Variants in REV3L observed in about 807,000 individuals in gnomAD.
REV3L encodes the protein DNA polymerase zeta catalytic subunit.
Under a neutral mutation model 299.4 loss-of-function variants are expected in REV3L, and 69 were observed. The ratio of observed to expected loss-of-function variants is 0.23; its 90% CI spans 0.19 to 0.28. The LOEUF (loss-of-function observed/expected upper bound fraction) is 0.28. Ranked by LOEUF, REV3L falls within the 10% of genes least tolerant of loss-of-function variation. The probability of loss-of-function intolerance (pLI) is 1.00; values close to 1 mark genes in which losing one functional copy is unlikely to be tolerated. For synonymous variants in REV3L, 1,238 were observed against 1,271.4 expected (o/e 0.97, Z 0.56); for missense variants, 3,128 against 3,693.8 (o/e 0.85, Z 3.97).
At chr6:111,329,394 C>T (rs1335243880) in intron 25 of REV3L, 138 bp downstream of exon 25, 2 of 704,506 alleles carry the variant, frequency 2.8e-6, no homozygotes, top group Non-Finnish European at 4.9e-6. Context: ...CTATGTTGTC[C>T]AGGCAGGATT....
intron 21 of REV3L, among the ~76,000 whole-genome samples, chr6:111,341,787 T>A (rs986902972): frequency 1.3e-5 from 2 of 152,082 alleles, no homozygotes; most frequent in Non-Finnish European, 1.5e-5. Flanking sequence ...CTGGATTCCT[T>A]ATGAGTGATA....
At chr6:111,386,323 CAA>C (rs1252597083) in intron 9 of REV3L, among the ~76,000 whole-genome samples, 1 of 152,018 alleles carries the variant, frequency 6.6e-6, no homozygotes, top group African/African-American at 2.4e-5. Flanking sequence ...GGATAAATTT[CAA>C]AGTTATAATG....
intron 2 of REV3L, among the ~76,000 whole-genome samples, chr6:111,415,986 G>A (rs1342292026): frequency 6.6e-6 from 1 of 152,156 alleles, no homozygotes; most frequent in Non-Finnish European, 1.5e-5. Flanking sequence ...CTAGAACAGT[G>A]CTTAGCACAT....
intron 1 of REV3L, among the ~76,000 whole-genome samples, chr6:111,425,324 T>C (rs1331915226): frequency 6.6e-6 from 1 of 152,006 alleles, no homozygotes; most frequent in Non-Finnish European, 1.5e-5. Flanking sequence ...CCGGGTGTGG[T>C]GGCGGGCACC....
rs762888621 is a variant in REV3L, at chr6:111,315,385, A to AATTTAATCCCCTT, written c.8352-5_8352-4insAAGGGGATTAAAT. 1 of 1,608,886 alleles carries AATTTAATCCCCTT rather than the reference A, an allele frequency of 6.2e-7. No homozygotes were observed. Among genetic ancestry groups the AATTTAATCCCCTT allele is most frequent in the Non-Finnish European group, 8.5e-7 (1 of 1,176,580 alleles). On this transcript the variant is annotated splice_region_variant and splice_polypyrimidine_tract_variant and intron_variant, in intron 26 of 31. Coordinates refer to ENST00000368802, the MANE Select transcript of REV3L (RefSeq NM_001372078.1). ...TCCTTTCAGTAGCACAAACATACTA[A>AATTTAATCCCCTT]GGGGATTAAAAATAAAGTAAGGTAA... is the stretch of plus-strand genomic sequence containing the variant.
intron 1 of REV3L, among the ~76,000 whole-genome samples, chr6:111,475,818 T>C (rs1159268693): frequency 3.3e-5 from 5 of 152,214 alleles, no homozygotes; most frequent in African/African-American, 4.8e-5. Flanking sequence ...ATTAAAGGAC[T>C]TCACCAATCC....
rs573809507 is a variant in REV3L at position 111,306,183 on chromosome 6, C to G, written c.9252+1178G>C. ...AAAGCAGAGGAGATTATGGCAGGAG[C>G]CTACTGCAAGGAAGGCTTCACCCAG... is the stretch of plus-strand genomic sequence containing the variant. On this transcript the variant is annotated intron_variant, in intron 31 of 31. Transcript: ENST00000368802. Among the ~76,000 whole-genome samples, 7 of 152,136 alleles carry G rather than the reference C, an allele frequency of 4.6e-5. No individual in the cohort carries two copies. In the South Asian group the frequency reaches 8.3e-4, roughly 18 times the overall value.
intron 1 of REV3L, among the ~76,000 whole-genome samples, chr6:111,480,843 T>G (rs1294908581): frequency 8.0e-5 from 12 of 150,230 alleles, no homozygotes; most frequent in South Asian, 2.1e-4. Flanking sequence ...TTTTTGTTTT[T>G]TTTTTTTTTT....
intron 23 of REV3L, 81 bp downstream of exon 23, chr6:111,333,042 A>G (rs1369517527): frequency 3.3e-6 from 5 of 1,531,110 alleles, no homozygotes; most frequent in Non-Finnish European, 4.4e-6. Context: ...GTCCAGAGCA[A>G]AGAGACACTC....
At chr6:111,454,643 T>C (rs930068660) in intron 1 of REV3L, among the ~76,000 whole-genome samples, 1 of 152,092 alleles carries the variant, frequency 6.6e-6, no homozygotes, top group Non-Finnish European at 1.5e-5. Context: ...AGTGGAATCA[T>C]GTATTTGTCC....
intron 30 of REV3L, among the ~76,000 whole-genome samples, chr6:111,308,838 T>C (rs1243122276): frequency 6.6e-6 from 1 of 152,264 alleles, no homozygotes; most frequent in African/African-American, 2.4e-5. Context: ...AGGAATGTGT[T>C]TGTAGAATAC....
chr6:111,423,495 T>C (rs1785804949), intron 1 of REV3L, among the ~76,000 whole-genome samples: 1 of 151,526 alleles, frequency 6.6e-6, no homozygotes, highest in East Asian at 1.9e-4. Context: ...AAAAAGAGTA[T>C]GAGAAGGAGA....
intron 9 of REV3L, among the ~76,000 whole-genome samples, chr6:111,383,952 A>T (rs1781080269): frequency 6.6e-6 from 1 of 152,106 alleles, no homozygotes; most frequent in South Asian, 2.1e-4. Context: ...TAAATTCATG[A>T]CTGCAGTGAA....
chr6:111,480,411 CTT>C (rs1425038922), intron 1 of REV3L, among the ~76,000 whole-genome samples: 1 of 152,112 alleles, frequency 6.6e-6, no homozygotes, highest in Admixed American at 6.6e-5. Context: ...ACTGGCCTCT[CTT>C]TTATATTAAT....
At chr6:111,440,054 A>G (rs1429258614) in intron 1 of REV3L, among the ~76,000 whole-genome samples, 2 of 151,660 alleles carry the variant, frequency 1.3e-5, no homozygotes, top group Admixed American at 6.6e-5. Context: ...AGTTCACTGA[A>G]TCCTGAAGCA....
At chr6:111,319,044 G>A (rs1227402865) in intron 26 of REV3L, among the ~76,000 whole-genome samples, 1 of 152,052 alleles carries the variant, frequency 6.6e-6, no homozygotes, top group African/African-American at 2.4e-5. Flanking sequence ...ATATCTTGAC[G>A]GGCATGATAG....
At chr6:111,472,112 C>T (rs553160098) in intron 1 of REV3L, 1 of 1,276,726 alleles carries the variant, frequency 7.8e-7, no homozygotes, top group South Asian at 1.3e-5. Flanking sequence ...TTTTAGGTTG[C>T]TTTTATGTGG....
chr6:111,402,720 G>A (rs1239171589), intron 4 of REV3L, among the ~76,000 whole-genome samples: 1 of 151,872 alleles, frequency 6.6e-6, no homozygotes, highest in Non-Finnish European at 1.5e-5. Context: ...TGAACTAAGA[G>A]ACAAAAAATG....
intron 1 of REV3L, among the ~76,000 whole-genome samples, chr6:111,441,703 T>C (rs1453151234): frequency 1.3e-5 from 2 of 152,256 alleles, no homozygotes; most frequent in Non-Finnish European, 2.9e-5. Context: ...GCTGTAGTTA[T>C]AGGTGTTAGA....
Sources: allele counts gnomAD v4.1 joint callset (sites outside exome capture counted in the v4.1 genomes callset), GRCh38; gene constraint gnomAD v4.1.1; transcripts MANE v1.5; gene names NCBI Gene and HGNC (gene_info 2026-07-23, HGNC 2026-07-21).